The following PDE6A variants were observed in gnomAD, a reference collection of about 807,000 sequenced individuals.
PDE6A encodes the protein rod cGMP-specific 3',5'-cyclic phosphodiesterase subunit alpha.
PDE6A carries 84 observed loss-of-function variants against 106.3 expected under a neutral mutation model. That is an observed-to-expected ratio of 0.79 (90% CI 0.66 to 0.95). PDE6A has a LOEUF of 0.95. Ranked by LOEUF, PDE6A falls within the 40% of genes least tolerant of loss-of-function variation. The pLI is 0.00. For missense variants in PDE6A, 1,052 were observed against 1,084.9 expected (o/e 0.97, Z 0.43); for synonymous variants, 394 against 386.6 (o/e 1.02, Z -0.23).
rs1232853737 is a variant in PDE6A at position 149,867,716 on chromosome 5, T to C, written c.2274+9A>G. Reference sequence around the variant, plus strand: ...CCTAACATCAGGCTGACATCCCCTGTCTACTCACAATGGGATTCTGTTGCA... The same window carrying C: ...CCTAACATCAGGCTGACATCCCCTGCCTACTCACAATGGGATTCTGTTGCA... On this transcript the variant is annotated intron_variant, in intron 19 of 21. Coordinates refer to ENST00000255266, the MANE Select transcript of PDE6A (RefSeq NM_000440.3). The C allele has an allele frequency of 6.2e-7, 1 of 1,612,584 alleles. No homozygotes were observed. Among genetic ancestry groups the C allele is most frequent in the Middle Eastern group, 1.7e-4 (1 of 6,056 alleles).
chr5:149,928,227 A>ATTTTTTTTTTT (rs1561778751), intron 4 of PDE6A, among the ~76,000 whole-genome samples: 10 of 26,480 alleles, frequency 3.8e-4, no homozygotes, highest in South Asian at 8.3e-4. Flanking sequence ...ATATATATAT[A>ATTTTTTTTTTT]TATATTTTTT....
chr5:149,923,479 C>CA (rs1198104383), intron 4 of PDE6A, among the ~76,000 whole-genome samples: 3 of 152,004 alleles, frequency 2.0e-5, no homozygotes, highest in Non-Finnish European at 4.4e-5. Flanking sequence ...GCCTGGGTGA[C>CA]AGAGTGAGAC....
At position 149,889,061 on chromosome 5, in the gene PDE6A, G is replaced by A. The variant is rs1332103943; in HGVS notation, c.1729-2687C>T. Among the ~76,000 whole-genome samples the A allele has an allele frequency of 1.2e-4, 13 of 107,102 alleles. 1 individual carries two copies. In the South Asian group the frequency reaches 2.8e-3, roughly 23 times the overall value. 70.3% of individuals were successfully genotyped at this position (107,102 alleles called of 152,430 possible). A position where few individuals can be genotyped will look rare whatever the true frequency, so the allele number is the denominator to read the frequency against. ...TGTGCCACTGCACTCCAGCCTGGGC[G>A]ACAGAGTGAGACTCTGTCTCAAAAA... On this transcript the variant is annotated intron_variant, in intron 13 of 21. Transcript: ENST00000255266.
Position 149,861,043 on chromosome 5 carries a change from T to G in PDE6A, c.2507-72A>C, listed in dbSNP as rs114202376. On this transcript the variant is annotated intron_variant, in intron 21 of 21. Coordinates refer to ENST00000255266, the MANE Select transcript of PDE6A (RefSeq NM_000440.3). Reference sequence around the variant, plus strand: ...AGTGGGCTTCCCCTTTGACCTAATTTGGACCAAGAGTTGCAAACTCAAAGG... The same window carrying G: ...AGTGGGCTTCCCCTTTGACCTAATTGGGACCAAGAGTTGCAAACTCAAAGG... 3.8e-4 allele frequency: 537 copies of G among 1,410,706 alleles called. 2 individuals are homozygous for G. In the African/African-American group the frequency reaches 5.8e-3, roughly 15 times the overall value. The allele number at this position is 1,410,706 out of a possible 1,614,324, so 87.4% of individuals were successfully genotyped here. A position where few individuals can be genotyped will look rare whatever the true frequency, so the allele number is the denominator to read the frequency against.
At chr5:149,861,045 G>C (rs748961566) in intron 21 of PDE6A, 74 bp from the exon 22 acceptor site, 23 of 1,382,564 alleles carry the variant, frequency 1.7e-5, no homozygotes, top group Non-Finnish European at 2.2e-5. Flanking sequence ...ACCTAATTTG[G>C]ACCAAGAGTT....
At chr5:149,914,545 T>C (rs1021741915) in intron 6 of PDE6A, among the ~76,000 whole-genome samples, 1 of 152,158 alleles carries the variant, frequency 6.6e-6, no homozygotes, top group Non-Finnish European at 1.5e-5. Context: ...CTAAGTTGTT[T>C]TCTGATCCTC....
intron 17 of PDE6A, among the ~76,000 whole-genome samples, chr5:149,882,370 A>G (rs1057133695): frequency 6.6e-6 from 1 of 151,940 alleles, no homozygotes; most frequent in African/African-American, 2.4e-5. Context: ...GGATAAACAA[A>G]TAACCCAATG....
At chr5:149,926,284 G>A (rs1262637987) in intron 4 of PDE6A, among the ~76,000 whole-genome samples, 1 of 151,856 alleles carries the variant, frequency 6.6e-6, no homozygotes, top group Non-Finnish European at 1.5e-5. Flanking sequence ...ATATACCAAT[G>A]GAACAAAATA....
In PDE6A at chr5:149,940,504, C is replaced by CATTTTTTTTTTTTTT. The variant is rs1274653943; in HGVS notation, c.474+3695_474+3696insAAAAAAAAAAAAAAT. ...AAGACCAAAAGATACCTGTTTGAAT[C>CATTTTTTTTTTTTTT]CTTTTTTTTTTGGAGACAGTTTTGC... On this transcript the variant is annotated intron_variant, in intron 1 of 21. Transcript: ENST00000255266. Among the ~76,000 whole-genome samples, 5 of 118,196 alleles carry CATTTTTTTTTTTTTT rather than the reference C, an allele frequency of 4.2e-5. No individual in the cohort carries two copies. The South Asian group carries it at 1.5e-3, about 36-fold the overall frequency. 77.5% of individuals were successfully genotyped at this position (118,196 alleles called of 152,430 possible).
intron 3 of PDE6A, among the ~76,000 whole-genome samples, chr5:149,933,625 A>G (rs1169108206): frequency 6.6e-6 from 1 of 152,230 alleles, no homozygotes; most frequent in East Asian, 1.9e-4. Context: ...GGGTGGCACC[A>G]TAATCATCCC....
chr5:149,883,336 C>G, intron 17 of PDE6A, 93 bp downstream of exon 17: 1 of 846,870 alleles, frequency 1.2e-6, no homozygotes, highest in Non-Finnish European at 2.0e-6. Context: ...GAAATAGTCC[C>G]AAGGCTTGTT....
At chr5:149,917,163 G>C (rs1244654063) in intron 5 of PDE6A, among the ~76,000 whole-genome samples, 2 of 150,964 alleles carry the variant, frequency 1.3e-5, no homozygotes, top group Admixed American at 1.3e-4. Flanking sequence ...TGTTTTTCTA[G>C]GAATATATTT....
chr5:149,888,108 C>T (rs1304933987), intron 13 of PDE6A, among the ~76,000 whole-genome samples: 2 of 152,108 alleles, frequency 1.3e-5, no homozygotes, highest in Admixed American at 6.6e-5. Flanking sequence ...CACTGCACTC[C>T]AGCCTGTGTG....
intron 4 of PDE6A, among the ~76,000 whole-genome samples, chr5:149,923,712 T>C (rs763164090): frequency 6.6e-6 from 1 of 152,116 alleles, no homozygotes; most frequent in Non-Finnish European, 1.5e-5. Context: ...CCCCACTACT[T>C]CTTCATGGTT....
rs531953480 is a variant in PDE6A, at chr5:149,932,438, A to G, written c.718-1270T>C. 7.6e-5 allele frequency: 106 copies of G among 1,391,956 alleles called. No individual in the cohort carries two copies. In the East Asian group the frequency reaches 2.4e-3, roughly 31 times the overall value. The allele number at this position is 1,391,956 out of a possible 1,614,324, so 86.2% of individuals were successfully genotyped here. A position where few individuals can be genotyped will look rare whatever the true frequency, so the allele number is the denominator to read the frequency against. On this transcript the variant is annotated intron_variant, in intron 3 of 21. Transcript: ENST00000255266. ...GGAGTTTAAAGGGAGTTGACTGAAT[A>G]AGGTCAAGATCTGCTGGTCTTGAAA...
chr5:149,901,206 G>A (rs1013308422), intron 8 of PDE6A, among the ~76,000 whole-genome samples: 1 of 152,048 alleles, frequency 6.6e-6, no homozygotes, highest in Non-Finnish European at 1.5e-5. Flanking sequence ...GTGAACCATC[G>A]CACCTGGCCC....
chr5:149,910,472 G>T lies in PDE6A; in HGVS notation c.999-3094C>A, dbSNP rs116008129. ...TTTTTACTTTATTCAGATCAACATTGCTCTTTTAGCATTTATACACAGATT... is the reference window on the plus strand; with the variant it reads ...TTTTTACTTTATTCAGATCAACATTTCTCTTTTAGCATTTATACACAGATT... On this transcript the variant is annotated intron_variant, in intron 6 of 21. Coordinates refer to ENST00000255266, the MANE Select transcript of PDE6A (RefSeq NM_000440.3). Among the ~76,000 whole-genome samples the T allele has an allele frequency of 2.8e-3, 433 of 152,186 alleles. 4 individuals carry two copies. Among genetic ancestry groups the T allele is most frequent in the African/African-American group, 9.9e-3 (412 of 41,514 alleles).
At position 149,944,661 on chromosome 5, in the gene PDE6A, T is replaced by C. The variant is rs749218859; in HGVS notation, c.13A>G (p.Thr5Ala). The change falls in exon 1 of 22, where the codon ACA becomes GCA. Residue 5 changes from threonine to alanine, a missense_variant. Coordinates refer to ENST00000255266, the MANE Select transcript of PDE6A (RefSeq NM_000440.3). ...AGGAACTTCTCCACCTCCTCTGCTG[T>C]CACCTCGCCCATGGCTGGGAATCCC... MGEV[T>A]AEEVEKFLDS... 15 of 1,608,860 alleles carry C rather than the reference T, an allele frequency of 9.3e-6. No individual in the cohort carries two copies. Among genetic ancestry groups the C allele is most frequent in the Non-Finnish European group, 1.3e-5 (15 of 1,177,904 alleles).
intron 7 of PDE6A, among the ~76,000 whole-genome samples, chr5:149,906,518 T>TAAAAAAAAAAAAAAAAAAAAA (rs1753187436): frequency 9.7e-5 from 1 of 10,266 alleles, no homozygotes; most frequent in Admixed American, 8.6e-4. Flanking sequence ...AGAGACACTG[T>TAAAAAAAAAAAAAAAAAAAAA]CAAAAAAAAA....
Sources: allele counts gnomAD v4.1 joint callset (sites outside exome capture counted in the v4.1 genomes callset), GRCh38; gene constraint gnomAD v4.1.1; transcripts MANE v1.5; gene names NCBI Gene and HGNC (gene_info 2026-07-23, HGNC 2026-07-21).